CCDC15: variants seen among roughly 807,000 people sequenced by gnomAD.
CCDC15 encodes the protein coiled-coil domain containing 15.
In CCDC15, 105 loss-of-function variants were observed where a neutral mutation model predicts 114.5. That is an observed-to-expected ratio of 0.92 (90% CI 0.78 to 1.08). CCDC15 has a LOEUF of 1.08. Among genes scored for constraint, CCDC15 ranks in the 50% least tolerant of loss-of-function variants. The pLI, the probability that CCDC15 is intolerant of heterozygous loss-of-function variation, is 0.00. For missense variants in CCDC15, 1,105 were observed against 1,093.6 expected, an observed-to-expected ratio of 1.01 and a Z score of -0.15; for synonymous variants, 334 against 377.8, an observed-to-expected ratio of 0.88 and a Z score of 1.34.
At chr11:125,026,303 A>G (rs1191542356) in intron 13 of CCDC15, among the ~76,000 whole-genome samples, 1 of 152,174 alleles carries the variant, frequency 6.6e-6, no homozygotes, top group African/African-American at 2.4e-5. Flanking sequence ...TTCTTTGGCC[A>G]CTGGCTGAGT....
intron 13 of CCDC15, among the ~76,000 whole-genome samples, chr11:125,021,673 G>A (rs935387167): frequency 6.6e-6 from 1 of 151,836 alleles, no homozygotes; most frequent in African/African-American, 2.4e-5. Flanking sequence ...TGTTTGTGAA[G>A]AGAGGAGTAT....
chr11:125,007,850 G>A (rs574233123), intron 13 of CCDC15, among the ~76,000 whole-genome samples: 37 of 152,302 alleles, frequency 2.4e-4, no homozygotes, highest in African/African-American at 8.9e-4. Context: ...AAGCATGAGT[G>A]CCTGAAGTGG....
intron 11 of CCDC15, among the ~76,000 whole-genome samples, chr11:125,000,589 G>C (rs1948463860): frequency 6.6e-6 from 1 of 152,126 alleles, no homozygotes; most frequent in Admixed American, 6.5e-5. Context: ...TTTCTTTATT[G>C]AAAACAGAAA....
intron 13 of CCDC15, among the ~76,000 whole-genome samples, chr11:125,013,875 G>C (rs1338051242): frequency 1.3e-5 from 2 of 152,192 alleles, no homozygotes; most frequent in African/African-American, 4.8e-5. Context: ...ATAAGGTACA[G>C]GGCTACTGCT....
chr11:124,964,840 T>G (rs1195763674), intron 4 of CCDC15, among the ~76,000 whole-genome samples: 3 of 152,216 alleles, frequency 2.0e-5, no homozygotes, highest in Non-Finnish European at 4.4e-5. Flanking sequence ...ATTGAGAGTT[T>G]TTAGCATGAA....
chr11:125,033,813 G>C (rs1323272555), intron 13 of CCDC15, among the ~76,000 whole-genome samples: 5 of 152,074 alleles, frequency 3.3e-5, no homozygotes, highest in Non-Finnish European at 5.9e-5. Context: ...TATTTAGTAG[G>C]CCCAAATCGA....
chr11:125,029,650 A>G (rs186428314), intron 13 of CCDC15, among the ~76,000 whole-genome samples: 3 of 152,360 alleles, frequency 2.0e-5, no homozygotes, highest in Admixed American at 1.3e-4. Context: ...TGTAGCTGGT[A>G]TGATGACCAC....
intron 2 of CCDC15, among the ~76,000 whole-genome samples, chr11:124,958,047 T>C (rs1565351509): frequency 1.3e-5 from 2 of 152,196 alleles, no homozygotes; most frequent in Admixed American, 1.3e-4. Context: ...AGCTTCCTCA[T>C]CTGTAACATA....
intron 4 of CCDC15, among the ~76,000 whole-genome samples, chr11:124,970,179 C>T (rs1041627083): frequency 2.0e-5 from 3 of 152,108 alleles, no homozygotes; most frequent in Non-Finnish European, 4.4e-5. Flanking sequence ...CTTGAGGACC[C>T]GTTAGCCTCT....
chr11:125,020,866 T>A (rs1948656175), intron 13 of CCDC15, among the ~76,000 whole-genome samples: 1 of 151,952 alleles, frequency 6.6e-6, no homozygotes, highest in African/African-American at 2.4e-5. Context: ...TGATCCCTTC[T>A]TAAACTACTA....
chr11:125,022,973 C>T (rs1200621576), intron 13 of CCDC15, among the ~76,000 whole-genome samples: 1 of 151,852 alleles, frequency 6.6e-6, no homozygotes, highest in Admixed American at 6.6e-5. Flanking sequence ...AATAGGTATA[C>T]TTGATATACA....
chr11:125,025,989 C>T (rs1393690705), intron 13 of CCDC15, among the ~76,000 whole-genome samples: 1 of 151,668 alleles, frequency 6.6e-6, no homozygotes, highest in East Asian at 1.9e-4. Flanking sequence ...TTCCTTTTCT[C>T]TCCTCTCCTC....
At chr11:125,010,128 A>G (rs1338475198) in intron 13 of CCDC15, among the ~76,000 whole-genome samples, 1 of 152,146 alleles carries the variant, frequency 6.6e-6, no homozygotes, top group African/African-American at 2.4e-5. Context: ...TTACATTTCC[A>G]CCAACAATGA....
intron 4 of CCDC15, among the ~76,000 whole-genome samples, chr11:124,973,866 C>G (rs905047988): frequency 2.0e-5 from 3 of 152,140 alleles, no homozygotes; most frequent in African/African-American, 7.2e-5. Flanking sequence ...TATTAAACTT[C>G]CAATGAGTGG....
intron 13 of CCDC15, among the ~76,000 whole-genome samples, chr11:125,020,468 C>T (rs1168764072): frequency 6.6e-6 from 1 of 151,902 alleles, no homozygotes; most frequent in Admixed American, 6.6e-5. Context: ...TCCAGTTTCC[C>T]TGTGATGTCA....
chr11:125,021,408 C>T (rs1948659847), intron 13 of CCDC15, among the ~76,000 whole-genome samples: 1 of 151,684 alleles, frequency 6.6e-6, no homozygotes, highest in Non-Finnish European at 1.5e-5. Flanking sequence ...TCTAACTGCC[C>T]CCCAATATAA....
intron 13 of CCDC15, among the ~76,000 whole-genome samples, chr11:125,027,715 C>T (rs949297292): frequency 2.6e-5 from 4 of 151,396 alleles, no homozygotes; most frequent in South Asian, 2.1e-4. Context: ...TTTCTTTTGC[C>T]GTGTAGAATC....
intron 13 of CCDC15, among the ~76,000 whole-genome samples, chr11:125,035,168 A>AG (rs1427865335): frequency 6.6e-6 from 1 of 152,138 alleles, no homozygotes; most frequent in Non-Finnish European, 1.5e-5. Flanking sequence ...CCACGCTGGC[A>AG]GTTGATAAGA....
At chr11:124,976,187 C>G (rs1158448268) in intron 5 of CCDC15, among the ~76,000 whole-genome samples, 3 of 149,432 alleles carry the variant, frequency 2.0e-5, no homozygotes, top group South Asian at 4.2e-4. Flanking sequence ...AATTAGTATA[C>G]TCTTATATTT....
Sources: gnomAD v4.1 joint callset for allele counts (sites outside exome capture counted in the v4.1 genomes callset) on GRCh38, gnomAD v4.1.1 for gene constraint, MANE v1.5 for transcripts, NCBI Gene and HGNC (gene_info 2026-07-23, HGNC 2026-07-21) for gene names.